The following EPB41L5 variants were observed in gnomAD, a reference collection of about 807,000 sequenced individuals.
EPB41L5 encodes band 4.1-like protein 5.
In EPB41L5, 55 loss-of-function variants were observed where a neutral mutation model predicts 106.6. The observed-to-expected ratio is 0.52, with a 90% CI of 0.42 to 0.65. The LOEUF (loss-of-function observed/expected upper bound fraction) is 0.65. Among genes scored for constraint, EPB41L5 ranks in the 30% least tolerant of loss-of-function variants. EPB41L5 has a pLI of 0.00. For synonymous variants in EPB41L5, 297 were observed against 306.7 expected (o/e 0.97, Z 0.33); for missense variants, 871 against 882.1 (o/e 0.99, Z 0.16).
intron 20 of EPB41L5, among the ~76,000 whole-genome samples, chr2:120,159,461 T>C (rs1332958497): frequency 6.8e-6 from 1 of 146,614 alleles, no homozygotes; most frequent in Non-Finnish European, 1.5e-5. Context: ...TCAATATCAT[T>C]AAAATGGCCA....
At chr2:120,075,250 A>G (rs560040492) in intron 5 of EPB41L5, among the ~76,000 whole-genome samples, 19 of 152,352 alleles carry the variant, frequency 1.2e-4, no homozygotes, top group Admixed American at 4.6e-4. Context: ...AGCATAAAGA[A>G]GAGAAAAATA....
chr2:120,070,915 T>G (rs946564463), intron 3 of EPB41L5, among the ~76,000 whole-genome samples: 5 of 152,226 alleles, frequency 3.3e-5, no homozygotes, highest in African/African-American at 9.6e-5. Flanking sequence ...GCATTCCCTT[T>G]GAATACTGGC....
intron 1 of EPB41L5, chr2:120,013,778 A>G (rs1677311581): frequency 6.6e-6 from 1 of 152,088 alleles, no homozygotes; most frequent in Admixed American, 6.6e-5. Flanking sequence ...TGTAAATGTT[A>G]ATTGTGTCTG....
chr2:120,019,956 A>G (rs1002809553), intron 2 of EPB41L5, among the ~76,000 whole-genome samples: 1 of 152,040 alleles, frequency 6.6e-6, no homozygotes, highest in African/African-American at 2.4e-5. Flanking sequence ...AGTGTGAAAC[A>G]ATCTGACATG....
At chr2:120,018,106 G>C (rs1042453257) in intron 1 of EPB41L5, among the ~76,000 whole-genome samples, 6 of 151,716 alleles carry the variant, frequency 4.0e-5, no homozygotes, top group Non-Finnish European at 8.8e-5. Context: ...GACTACAGGC[G>C]CCTGCTACCA....
intron 18 of EPB41L5, among the ~76,000 whole-genome samples, chr2:120,138,719 G>T (rs1408112073): frequency 2.0e-5 from 3 of 152,004 alleles, no homozygotes; most frequent in Admixed American, 6.6e-5. Context: ...CATGTTCATG[G>T]ATTAGAAGAC....
At chr2:120,145,214 A>G (rs1182190615) in intron 19 of EPB41L5, among the ~76,000 whole-genome samples, 1 of 152,244 alleles carries the variant, frequency 6.6e-6, no homozygotes, top group Non-Finnish European at 1.5e-5. Context: ...CTAACCCGCA[A>G]TTACATTCTT....
intron 18 of EPB41L5, among the ~76,000 whole-genome samples, chr2:120,140,498 A>G (rs1686124510): frequency 6.6e-6 from 1 of 152,020 alleles, no homozygotes; most frequent in African/African-American, 2.4e-5. Context: ...TACTACTAAT[A>G]AAGGACATGT....
intron 16 of EPB41L5, 41 bp downstream of exon 16, chr2:120,100,855 TA>T: frequency 2.3e-6 from 3 of 1,319,474 alleles, no homozygotes; most frequent in Non-Finnish European, 3.2e-6. Flanking sequence ...ATTGCCTAGT[TA>T]ATTGTATTTG....
intron 20 of EPB41L5, among the ~76,000 whole-genome samples, chr2:120,147,341 C>A (rs2105504448): frequency 6.6e-6 from 1 of 152,106 alleles, no homozygotes; most frequent in African/African-American, 2.4e-5. Context: ...AGAGTGAGAC[C>A]CTGGTTTTTT....
At chr2:120,036,440 C>T (rs1338459294) in intron 2 of EPB41L5, among the ~76,000 whole-genome samples, 2 of 152,178 alleles carry the variant, frequency 1.3e-5, no homozygotes, top group African/African-American at 2.4e-5. Flanking sequence ...TCAGGCCTTT[C>T]TCTTGTTACA....
At chr2:120,076,124 A>G (rs1308473285) in intron 7 of EPB41L5, among the ~76,000 whole-genome samples, 1 of 152,212 alleles carries the variant, frequency 6.6e-6, no homozygotes, top group Non-Finnish European at 1.5e-5. Context: ...TTGTTCAGAA[A>G]TAACCACAGA....
chr2:120,173,583 G>A (rs1335036350), intron 24 of EPB41L5, among the ~76,000 whole-genome samples: 1 of 152,248 alleles, frequency 6.6e-6, no homozygotes, highest in South Asian at 2.1e-4. Context: ...AGTAGGAATA[G>A]AGAGTGGTAC....
At chr2:120,045,411 A>G (rs950385910) in intron 3 of EPB41L5, among the ~76,000 whole-genome samples, 1 of 152,216 alleles carries the variant, frequency 6.6e-6, no homozygotes, top group Admixed American at 6.5e-5. Context: ...GATGGTATAA[A>G]TAACCATGTT....
intron 20 of EPB41L5, among the ~76,000 whole-genome samples, chr2:120,159,537 G>A (rs1043534538): frequency 4.6e-5 from 7 of 151,366 alleles, no homozygotes; most frequent in African/African-American, 7.3e-5. Context: ...ATTCTTCACC[G>A]AACTAGAAGA....
intron 16 of EPB41L5, among the ~76,000 whole-genome samples, chr2:120,118,380 GT>G (rs1374326521): frequency 6.6e-6 from 1 of 152,018 alleles, no homozygotes; most frequent in Non-Finnish European, 1.5e-5. Context: ...AAGCTCAGGG[GT>G]ACATGTGCAG....
At chr2:120,073,010 T>C (rs754633443) in intron 3 of EPB41L5, among the ~76,000 whole-genome samples, 168 bp from the exon 4 acceptor site, 2 of 152,188 alleles carry the variant, frequency 1.3e-5, no homozygotes, top group Admixed American at 6.5e-5. Context: ...GGATATTGGC[T>C]AGATACTCTT....
intron 18 of EPB41L5, among the ~76,000 whole-genome samples, chr2:120,132,285 A>G (rs1324301734): frequency 6.6e-6 from 1 of 152,218 alleles, no homozygotes; most frequent in African/African-American, 2.4e-5. Context: ...AAATTTTATA[A>G]TTAATCATAT....
At chr2:120,102,182 G>A (rs543457580) in intron 16 of EPB41L5, among the ~76,000 whole-genome samples, 6 of 152,204 alleles carry the variant, frequency 3.9e-5, no homozygotes, top group Admixed American at 2.6e-4. Context: ...ACTATATTAC[G>A]ACACTGAATC....
Sources: gnomAD v4.1 joint callset for allele counts (sites outside exome capture counted in the v4.1 genomes callset) on GRCh38, gnomAD v4.1.1 for gene constraint, MANE v1.5 for transcripts, NCBI Gene and HGNC (gene_info 2026-07-23, HGNC 2026-07-21) for gene names.